The following CHCHD6 variants were observed in gnomAD, a reference collection of about 807,000 sequenced individuals.
The protein encoded by CHCHD6 is coiled-coil-helix-coiled-coil-helix domain containing 6, also known as MICOS complex subunit MIC25.
A neutral mutation model predicts 32.3 loss-of-function variants in CHCHD6; 28 were observed. The ratio of observed to expected loss-of-function variants is 0.87; its 90% CI spans 0.64 to 1.19. The LOEUF (loss-of-function observed/expected upper bound fraction) is 1.19, where lower values mean the gene tolerates loss of function less well. CHCHD6 is among the 50% of genes most tolerant of loss of function. CHCHD6 has a pLI of 0.00. For synonymous variants in CHCHD6, 122 were observed against 117.5 expected (o/e 1.04, Z -0.25); for missense variants, 333 against 307.0 (o/e 1.08, Z -0.63).
chr3:126,787,454 T>C (rs1319521708), intron 4 of CHCHD6, among the ~76,000 whole-genome samples: 2 of 152,226 alleles, frequency 1.3e-5, no homozygotes, highest in African/African-American at 2.4e-5. Flanking sequence ...TTCCTATCCA[T>C]GAGCATGGAA....
At chr3:126,870,629 A>G (rs1193499226) in intron 5 of CHCHD6, among the ~76,000 whole-genome samples, 2 of 152,088 alleles carry the variant, frequency 1.3e-5, no homozygotes, top group East Asian at 3.9e-4. Flanking sequence ...CCCTCGGGCC[A>G]CCTTAGTGTG....
At chr3:126,802,676 C>A (rs1216025714) in intron 4 of CHCHD6, among the ~76,000 whole-genome samples, 3 of 151,924 alleles carry the variant, frequency 2.0e-5, no homozygotes, top group East Asian at 3.9e-4. Context: ...CCAATCTAGC[C>A]ATGCAGGCCA....
intron 2 of CHCHD6, among the ~76,000 whole-genome samples, chr3:126,729,957 G>A (rs1935713856): frequency 1.3e-5 from 2 of 152,170 alleles, no homozygotes; most frequent in Non-Finnish European, 2.9e-5. Flanking sequence ...GGTGGGGAGA[G>A]TGAATTGGAT....
chr3:126,709,406 C>T (rs1934648984), intron 1 of CHCHD6, among the ~76,000 whole-genome samples: 1 of 152,142 alleles, frequency 6.6e-6, no homozygotes, highest in African/African-American at 2.4e-5. Flanking sequence ...TTTTCTACTT[C>T]TTGGTTATTG....
rs566037055 is a variant in CHCHD6 at position 126,886,549 on chromosome 3, G to A, written c.496-28131G>A. On this transcript the variant is annotated intron_variant, in intron 5 of 7. Transcript: ENST00000290913. ...TGTAATGGCTTCAGAGCACCAGAGG[G>A]GCCATTTGGGACTCATTCCCATTGT... Among the ~76,000 whole-genome samples the A allele has an allele frequency of 9.5e-4, 144 of 152,252 alleles. 1 individual carries two copies. The highest frequency in any genetic ancestry group is 3.3e-3 in the African/African-American group (136 of 41,544).
At position 126,926,038 on chromosome 3, in the gene CHCHD6, CA is replaced by C. The variant is rs563588237; in HGVS notation, c.566+11289del. Among the ~76,000 whole-genome samples the C allele has an allele frequency of 2.1e-4, 32 of 152,336 alleles. No homozygotes were observed. In the East Asian group the frequency reaches 6.0e-3, roughly 29 times the overall value. ...TGCAGAGCACAGACGCACTCCCAGCCACCGCGCTTGCGGTATCCCTACCTCC... is the reference window on the plus strand; with the variant it reads ...TGCAGAGCACAGACGCACTCCCAGCCCCGCGCTTGCGGTATCCCTACCTCC... On this transcript the variant is annotated intron_variant, in intron 6 of 7. Coordinates refer to ENST00000290913, the MANE Select transcript of CHCHD6 (RefSeq NM_032343.3).
At chr3:126,743,212 A>G (rs1357151710) in intron 4 of CHCHD6, among the ~76,000 whole-genome samples, 1 of 152,214 alleles carries the variant, frequency 6.6e-6, no homozygotes, top group Non-Finnish European at 1.5e-5. Flanking sequence ...GCCCTGCTGT[A>G]GGAAGGGGGA....
At chr3:126,952,297 G>T (rs2078726586) in intron 6 of CHCHD6, among the ~76,000 whole-genome samples, 1 of 152,172 alleles carries the variant, frequency 6.6e-6, no homozygotes, top group Non-Finnish European at 1.5e-5. Flanking sequence ...GACCAGCTGG[G>T]TGTTGGTGCT....
At position 126,789,959 on chromosome 3, in the gene CHCHD6, C is replaced by G. The variant is rs563742539; in HGVS notation, c.411+56737C>G. ...ATTTGGCATGTTTTTGCAGTGGTTG[C>G]TACTAGTTGTTCCTTTCCATGTTTA... On this transcript the variant is annotated intron_variant, in intron 4 of 7. Transcript: ENST00000290913. Among the ~76,000 whole-genome samples, 17 of 152,176 alleles carry G rather than the reference C, an allele frequency of 1.1e-4. No homozygotes were observed. In the South Asian group the frequency reaches 2.3e-3, roughly 20 times the overall value.
intron 4 of CHCHD6, among the ~76,000 whole-genome samples, chr3:126,789,177 G>T (rs1938390154): frequency 6.6e-6 from 1 of 152,168 alleles, no homozygotes; most frequent in Non-Finnish European, 1.5e-5. Context: ...TTGCACTGTG[G>T]TCTGAGAGAC....
chr3:126,748,009 C>G lies in CHCHD6; in HGVS notation c.411+14787C>G, dbSNP rs1004111088. ...CTCCCCACATCCACTTGTGAGTTCTCTCCATCCTGGCCTCACCGCCCTCTC... is the reference window on the plus strand; with the variant it reads ...CTCCCCACATCCACTTGTGAGTTCTGTCCATCCTGGCCTCACCGCCCTCTC... On this transcript the variant is annotated intron_variant, in intron 4 of 7. Transcript: ENST00000290913. Among the ~76,000 whole-genome samples the G allele has an allele frequency of 2.0e-5, 3 of 152,210 alleles. 1 individual carries two copies.
intron 4 of CHCHD6, chr3:126,767,433 C>G (rs1049969467): frequency 1.7e-5 from 12 of 708,358 alleles, no homozygotes; most frequent in Admixed American, 4.1e-5. Flanking sequence ...TCACCATGTC[C>G]CAGCTGCCCT....
chr3:126,931,889 G>A (rs750716443), intron 6 of CHCHD6, among the ~76,000 whole-genome samples: 5 of 152,104 alleles, frequency 3.3e-5, no homozygotes, highest in Admixed American at 6.6e-5. Context: ...ACTTAAACCC[G>A]CCTGGGACGG....
chr3:126,808,224 G>T (rs773315440), intron 4 of CHCHD6, among the ~76,000 whole-genome samples: 100 of 152,176 alleles, frequency 6.6e-4, no homozygotes, highest in Non-Finnish European at 1.2e-3. Flanking sequence ...TTGGGTTTGG[G>T]TCTCATAGCA....
rs529510501 is a variant in CHCHD6 at position 126,806,679 on chromosome 3, CCA to C, written c.412-45967_412-45966del. Among the ~76,000 whole-genome samples the C allele has an allele frequency of 8.3e-4, 126 of 152,130 alleles. 1 individual carries two copies. Among genetic ancestry groups the C allele is most frequent in the African/African-American group, 2.9e-3 (119 of 41,494 alleles). Reference sequence around the variant, plus strand: ...TCTAGAACTAGAAATACTATTTGACCCAGCCATCCCATTACTGGGTATATACC... The same window carrying C: ...TCTAGAACTAGAAATACTATTTGACCGCCATCCCATTACTGGGTATATACC... On this transcript the variant is annotated intron_variant, in intron 4 of 7. Transcript: ENST00000290913.
intron 6 of CHCHD6, among the ~76,000 whole-genome samples, chr3:126,915,442 C>A (rs577173168): frequency 3.9e-5 from 6 of 152,310 alleles, no homozygotes; most frequent in South Asian, 4.1e-4. Flanking sequence ...GAAAGTGATT[C>A]TTGTGGGAAG....
rs71150454 is a variant in CHCHD6, at chr3:126,824,560, C to CAAAAAAAAAAAAAAAAAAAAA, written c.412-28086_412-28066dup. On this transcript the variant is annotated intron_variant, in intron 4 of 7. Coordinates refer to ENST00000290913, the MANE Select transcript of CHCHD6 (RefSeq NM_032343.3). The stretch of plus-strand genomic sequence containing the variant: ...TAGGTGATAGAGCAAGACTCTGTCT[C>CAAAAAAAAAAAAAAAAAAAAA]AAAAAAAAAAAAAAAAAAAAAGTCA... Among the ~76,000 whole-genome samples, 13 of 39,998 alleles carry CAAAAAAAAAAAAAAAAAAAAA rather than the reference C, an allele frequency of 3.3e-4. 1 individual carries two copies. Among genetic ancestry groups the CAAAAAAAAAAAAAAAAAAAAA allele is most frequent in the African/African-American group, 1.5e-3 (10 of 6,806 alleles). The allele number at this position is 39,998 out of a possible 152,430, so 26.2% of individuals were successfully genotyped here. A position where few individuals can be genotyped will look rare whatever the true frequency, so the allele number is the denominator to read the frequency against.
chr3:126,803,879 C>T (rs571862129), intron 4 of CHCHD6, among the ~76,000 whole-genome samples: 242 of 152,300 alleles, frequency 1.6e-3, no homozygotes, highest in African/African-American at 5.6e-3. Context: ...GACCACAGTG[C>T]AATCAAACTA....
Position 126,890,837 on chromosome 3 carries a change from C to T in CHCHD6, c.496-23843C>T, listed in dbSNP as rs541462949. 5.9e-5 allele frequency among the ~76,000 whole-genome samples: 9 copies of T among 152,296 alleles called. No homozygotes were observed. The East Asian group carries it at 1.7e-3, about 29-fold the overall frequency. On this transcript the variant is annotated intron_variant, in intron 5 of 7. Coordinates refer to ENST00000290913, the MANE Select transcript of CHCHD6 (RefSeq NM_032343.3). ...CCCTAGTCCACCTCAGGACTATGGC[C>T]CTTCCCTCCAAGGCACAGTGTCTCA...
Sources: allele counts gnomAD v4.1 joint callset (sites outside exome capture counted in the v4.1 genomes callset), GRCh38; gene constraint gnomAD v4.1.1; transcripts MANE v1.5; gene names NCBI Gene and HGNC (gene_info 2026-07-23, HGNC 2026-07-21).